ATRNL1: variants seen among roughly 807,000 people sequenced by gnomAD.
The protein encoded by ATRNL1 is attractin-like protein 1.
Under a neutral mutation model 182.7 loss-of-function variants are expected in ATRNL1, and 95 were observed. The observed-to-expected ratio is 0.52, with a 90% CI of 0.44 to 0.62. The LOEUF (loss-of-function observed/expected upper bound fraction) is 0.62, where lower values mean the gene tolerates loss of function less well. Among genes scored for constraint, ATRNL1 ranks in the 20% least tolerant of loss-of-function variants. ATRNL1 has a pLI of 0.00. For synonymous variants in ATRNL1, 576 were observed against 568.3 expected (o/e 1.01, Z -0.19); for missense variants, 1,471 against 1,679.5 (o/e 0.88, Z 2.17).
At chr10:115,910,507 G>T (rs943069230) in intron 28 of ATRNL1, among the ~76,000 whole-genome samples, 2 of 152,104 alleles carry the variant, frequency 1.3e-5, no homozygotes, top group Non-Finnish European at 2.9e-5. Flanking sequence ...TGCTCATCAG[G>T]CAGTCCGTGC....
rs1190962313 is a variant in ATRNL1, at chr10:115,505,239, C to A, written c.3655-14024C>A. Reference sequence around the variant, plus strand: ...GCTCTGGGCAGAGCCCACACTGAATCCTGGGTCTCCAAAAAGGGAGAATAA... The same window carrying A: ...GCTCTGGGCAGAGCCCACACTGAATACTGGGTCTCCAAAAAGGGAGAATAA... On this transcript the variant is annotated intron_variant, in intron 24 of 28. Transcript: ENST00000355044. 2.0e-5 allele frequency among the ~76,000 whole-genome samples: 3 copies of A among 151,508 alleles called. No individual in the cohort carries two copies. The East Asian group carries it at 5.8e-4, about 29-fold the overall frequency.
intron 28 of ATRNL1, among the ~76,000 whole-genome samples, chr10:115,933,025 C>T (rs1953450207): frequency 7.6e-6 from 1 of 132,272 alleles, no homozygotes; most frequent in African/African-American, 4.2e-5. Flanking sequence ...TTAGCTCTAA[C>T]TTTGCTCAGA....
intron 28 of ATRNL1, among the ~76,000 whole-genome samples, chr10:115,901,743 G>GAAAAAAA (rs562327427): frequency 3.4e-5 from 2 of 58,032 alleles, no homozygotes; most frequent in Non-Finnish European, 4.8e-5. Context: ...GAACTGAGAA[G>GAAAAAAA]AAAAAAAAAA....
At chr10:115,609,879 C>T (rs1555018512) in intron 26 of ATRNL1, among the ~76,000 whole-genome samples, 1 of 152,082 alleles carries the variant, frequency 6.6e-6, no homozygotes, top group East Asian at 1.9e-4. Context: ...TTACGGTATC[C>T]GTGGCCCACT....
At chr10:115,164,453 T>A (rs1316273605) in intron 6 of ATRNL1, among the ~76,000 whole-genome samples, 3 of 152,174 alleles carry the variant, frequency 2.0e-5, no homozygotes, top group African/African-American at 7.2e-5. Flanking sequence ...AGAATTACTA[T>A]ATGATCCAGC....
At chr10:115,193,539 T>A (rs1848243912) in intron 8 of ATRNL1, among the ~76,000 whole-genome samples, 2 of 151,988 alleles carry the variant, frequency 1.3e-5, no homozygotes, top group Admixed American at 6.6e-5. Flanking sequence ...ATTCTTTGAT[T>A]TTCTGTGGTA....
intron 19 of ATRNL1, among the ~76,000 whole-genome samples, chr10:115,352,388 C>T (rs1856301029): frequency 6.6e-6 from 1 of 151,942 alleles, no homozygotes; most frequent in Admixed American, 6.6e-5. Context: ...CTAAGATGCA[C>T]TATTAAGTGT....
At chr10:115,096,447 T>C (rs2085012939) in intron 1 of ATRNL1, among the ~76,000 whole-genome samples, 1 of 152,342 alleles carries the variant, frequency 6.6e-6, no homozygotes, top group South Asian at 2.1e-4. Context: ...TTGTTTTACC[T>C]GGCATTTGAA....
chr10:115,454,644 A>G (rs554799543), intron 21 of ATRNL1, among the ~76,000 whole-genome samples: 5 of 152,068 alleles, frequency 3.3e-5, no homozygotes, highest in South Asian at 4.1e-4. Context: ...TAAGTATTTT[A>G]TTTCTTTTGA....
intron 18 of ATRNL1, among the ~76,000 whole-genome samples, chr10:115,324,612 T>G (rs1461153502): frequency 1.3e-5 from 2 of 152,246 alleles, no homozygotes; most frequent in African/African-American, 4.8e-5. Flanking sequence ...GACATATACT[T>G]TAAGTTCCCA....
chr10:115,361,556 A>G (rs1856749263), intron 19 of ATRNL1, among the ~76,000 whole-genome samples: 1 of 152,090 alleles, frequency 6.6e-6, no homozygotes, highest in East Asian at 1.9e-4. Context: ...TTTCATACAT[A>G]TGCACAACCT....
Position 115,394,664 on chromosome 10 carries a change from A to G in ATRNL1, c.3181A>G (p.Thr1061Ala), listed in dbSNP as rs1340957699. ...PTNGGQCTACTCSGHANICHL... is the reference protein window; with the variant it reads ...PTNGGQCTACACSGHANICHL... The stretch of plus-strand genomic sequence containing the variant: ...ATTTTGGTTTTGACTTACAGCTTGT[A>G]CATGCAGTGGCCATGCAAATATCTG... The change falls in exon 20 of 29, where the codon ACA (threonine) becomes GCA (alanine). Residue 1061 changes from threonine to alanine, a missense_variant. By Grantham distance (58) the Thr-to-Ala change is moderately conservative (BLOSUM62 0). Transcript: ENST00000355044. 2 of 1,611,340 alleles carry G rather than the reference A, an allele frequency of 1.2e-6. No individual in the cohort carries two copies. The highest frequency in any genetic ancestry group is 1.7e-4 in the Middle Eastern group (1 of 6,036).
At chr10:115,200,224 T>C (rs894075940) in intron 8 of ATRNL1, among the ~76,000 whole-genome samples, 19 of 151,738 alleles carry the variant, frequency 1.3e-4, no homozygotes, top group African/African-American at 1.7e-4. Flanking sequence ...GTTACTTGTT[T>C]AGTTTTTTTT....
chr10:115,658,056 T>C (rs1555036513), intron 26 of ATRNL1, among the ~76,000 whole-genome samples: 1 of 150,962 alleles, frequency 6.6e-6, no homozygotes, highest in Non-Finnish European at 1.5e-5. Context: ...TCATATTGTA[T>C]AATTCTCAAT....
chr10:115,272,613 A>C (rs782492009), intron 13 of ATRNL1, among the ~76,000 whole-genome samples: 3 of 152,114 alleles, frequency 2.0e-5, no homozygotes, highest in African/African-American at 4.8e-5. Context: ...TCCCATTTCC[A>C]CCCCTTGATT....
chr10:115,915,241 C>CA (rs782415985), intron 28 of ATRNL1, among the ~76,000 whole-genome samples: 1 of 151,754 alleles, frequency 6.6e-6, no homozygotes, highest in South Asian at 2.1e-4. Context: ...ACTAAAAATA[C>CA]AAAAAAATTA....
chr10:115,607,960 T>A (rs553494400), intron 26 of ATRNL1, among the ~76,000 whole-genome samples: 1 of 152,074 alleles, frequency 6.6e-6, no homozygotes, highest in Non-Finnish European at 1.5e-5. Context: ...TTTCAATTAC[T>A]GTAGTTGATC....
intron 19 of ATRNL1, among the ~76,000 whole-genome samples, chr10:115,378,341 T>G (rs1857793573): frequency 6.6e-6 from 1 of 152,214 alleles, no homozygotes; most frequent in African/African-American, 2.4e-5. Flanking sequence ...GATTTCAGGC[T>G]GCAGTCAAGA....
At chr10:115,519,221 G>A (rs1850791682) in intron 24 of ATRNL1, 42 bp from the exon 25 acceptor site, 1 of 1,508,332 alleles carries the variant, frequency 6.6e-7, no homozygotes, top group Non-Finnish European at 9.2e-7. Flanking sequence ...ACAGGTTTTA[G>A]AGAAGAACAT....
Sources: gnomAD v4.1 joint callset for allele counts (sites outside exome capture counted in the v4.1 genomes callset) on GRCh38, gnomAD v4.1.1 for gene constraint, MANE v1.5 for transcripts, NCBI Gene and HGNC (gene_info 2026-07-23, HGNC 2026-07-21) for gene names.